ITGAM: variants seen among roughly 807,000 people sequenced by gnomAD.
ITGAM encodes integrin alpha-M.
In ITGAM, 79 loss-of-function variants were observed where a neutral mutation model predicts 137.5. That is an observed-to-expected ratio of 0.57 (90% CI 0.48 to 0.69). ITGAM has a LOEUF of 0.69. ITGAM is among the 30% of genes least tolerant of loss of function. The pLI is 0.00. For missense variants in ITGAM, 1,343 were observed against 1,483.5 expected, an observed-to-expected ratio of 0.91 and a Z score of 1.56; for synonymous variants, 583 against 592.3, an observed-to-expected ratio of 0.98 and a Z score of 0.23.
intron 2 of ITGAM, among the ~76,000 whole-genome samples, chr16:31,262,263 T>TTTCCTTCC (rs1229025438): frequency 2.8e-5 from 4 of 144,504 alleles, no homozygotes; most frequent in Admixed American, 6.9e-5. Flanking sequence ...TCCTTCCTTC[T>TTTCCTTCC]TTCCTTCCTT....
At chr16:31,312,600 A>T (rs930822769) in intron 14 of ITGAM, among the ~76,000 whole-genome samples, 2 of 151,754 alleles carry the variant, frequency 1.3e-5, no homozygotes, top group African/African-American at 4.8e-5. Context: ...CTAATATTTA[A>T]ATTTCTTTTG....
chr16:31,273,381 A>T lies in ITGAM; in HGVS notation c.721A>T (p.Ile241Phe). Reference sequence around the variant, plus strand: ...CCTGCACAGACGAGAGCTGTTTAACATCACCAACGGAGCCCGAAAGAATGC... The same window carrying T: ...CCTGCACAGACGAGAGCTGTTTAACTTCACCAACGGAGCCCGAAAGAATGC... ...IRKVVRELFN[I>F]TNGARKNAFK... Residue 241 changes from isoleucine (I) to phenylalanine (F), a missense_variant, in exon 8 of 30, where the codon ATC becomes TTC. Physicochemically the swap from Ile to Phe is conservative, Grantham distance 21. Transcript: ENST00000544665. The T allele has an allele frequency of 1.2e-6, 2 of 1,613,806 alleles. No individual in the cohort carries two copies. Among genetic ancestry groups the T allele is most frequent in the African/African-American group, 2.7e-5 (2 of 74,998 alleles).
At chr16:31,329,080 T>TA in intron 23 of ITGAM, 148 bp from the exon 24 acceptor site, 1 of 104,440 alleles carries the variant, frequency 9.6e-6, no homozygotes. Flanking sequence ...GGTTCCCCCA[T>TA]CCCCCTGCAC....
intron 12 of ITGAM, among the ~76,000 whole-genome samples, chr16:31,290,434 G>A (rs2080075691): frequency 6.6e-6 from 1 of 152,038 alleles, no homozygotes; most frequent in Non-Finnish European, 1.5e-5. Flanking sequence ...AAGCTACTTT[G>A]AAGAAAACAA....
intron 23 of ITGAM, among the ~76,000 whole-genome samples, chr16:31,328,792 A>ATG (rs56016186): frequency 1.1e-4 from 16 of 143,344 alleles, no homozygotes; most frequent in South Asian, 2.4e-4. Context: ...GTATTTGTGC[A>ATG]TGTGTGTGTG....
intron 2 of ITGAM, among the ~76,000 whole-genome samples, chr16:31,264,702 A>G (rs2079744133): frequency 6.6e-6 from 1 of 151,916 alleles, no homozygotes; most frequent in Non-Finnish European, 1.5e-5. Context: ...ATACCTGGCT[A>G]ATTTTTAAAA....
chr16:31,273,066 A>G (rs997859537), intron 7 of ITGAM, among the ~76,000 whole-genome samples: 3 of 152,090 alleles, frequency 2.0e-5, no homozygotes, highest in Non-Finnish European at 2.9e-5. Context: ...TAGGAGGCCG[A>G]GGTGGGAGGA....
At chr16:31,285,028 G>A (rs540547796) in intron 12 of ITGAM, among the ~76,000 whole-genome samples, 1 of 152,146 alleles carries the variant, frequency 6.6e-6, no homozygotes, top group Admixed American at 6.5e-5. Context: ...TCCAAAAACT[G>A]AGCTCCCCGA....
chr16:31,273,393 G>A lies in ITGAM; in HGVS notation c.733G>A (p.Ala245Thr), dbSNP rs1259499953. Reference protein sequence around the residue: ...VRELFNITNGARKNAFKILVV... With the variant: ...VRELFNITNGTRKNAFKILVV... The stretch of plus-strand genomic sequence containing the variant: ...AGAGCTGTTTAACATCACCAACGGA[G>A]CCCGAAAGAATGCCTTTAAGATCCT... The change falls in exon 8 of 30, where the codon GCC (alanine) becomes ACC (threonine). Residue 245 changes from alanine to threonine, a missense_variant. Physicochemically the swap from Ala to Thr is moderately conservative, Grantham distance 58 (BLOSUM62 0). Coordinates refer to ENST00000544665, the MANE Select transcript of ITGAM (RefSeq NM_000632.4). 6.2e-7 allele frequency: 1 copy of A among 1,613,818 alleles called. No homozygotes were observed. Among genetic ancestry groups the A allele is most frequent in the Admixed American group, 1.7e-5 (1 of 60,002 alleles).
chr16:31,328,827 CGCATGGGTGTGT>C, intron 23 of ITGAM, among the ~76,000 whole-genome samples: 1 of 117,602 alleles, frequency 8.5e-6, no homozygotes, highest in Non-Finnish European at 1.8e-5. Context: ...CATGTGTGTG[CGCATGGGTGTGT>C]ATTTGTGCAT....
At chr16:31,279,090 G>A (rs984016561) in intron 12 of ITGAM, among the ~76,000 whole-genome samples, 1 of 152,178 alleles carries the variant, frequency 6.6e-6, no homozygotes, top group East Asian at 1.9e-4. Flanking sequence ...TGGCTGCATA[G>A]TATTCCATGG....
Position 31,297,521 on chromosome 16 carries a change from C to T in ITGAM, c.1364C>T (p.Ala455Val). The change falls in exon 13 of 30, where the codon GCC (alanine) becomes GTC (valine). Residue 455 changes from alanine to valine, a missense_variant. Transcript: ENST00000544665. ...CGGTCCTGTCTCTTTCAGATCGGCG[C>T]CTACTTCGGGGCCTCCCTCTGCTCC... is the stretch of plus-strand genomic sequence containing the variant. ...NANVKGTQIGAYFGASLCSVD... is the reference protein window; with the variant it reads ...NANVKGTQIGVYFGASLCSVD... The T allele has an allele frequency of 6.2e-7, 1 of 1,612,052 alleles. No individual in the cohort carries two copies. The highest frequency in any genetic ancestry group is 8.5e-7 in the Non-Finnish European group (1 of 1,179,868).
At chr16:31,270,779 C>T (rs1309225602) in intron 5 of ITGAM, among the ~76,000 whole-genome samples, 175 bp from the exon 6 acceptor site, 1 of 129,510 alleles carries the variant, frequency 7.7e-6, no homozygotes, top group Non-Finnish European at 1.6e-5. Flanking sequence ...TATATATACA[C>T]ACACGTTAAA....
At chr16:31,286,671 C>A (rs756235559) in intron 12 of ITGAM, among the ~76,000 whole-genome samples, 54 of 152,070 alleles carry the variant, frequency 3.6e-4, no homozygotes, top group Admixed American at 9.8e-4. Flanking sequence ...CTGTTTATGT[C>A]CTTTACCCAC....
At chr16:31,302,430 T>TC (rs1491212435) in intron 14 of ITGAM, among the ~76,000 whole-genome samples, 3 of 98,810 alleles carry the variant, frequency 3.0e-5, no homozygotes, top group African/African-American at 9.0e-5. Context: ...CTTTCTTTCT[T>TC]CTTTCTTTCT....
Position 31,311,208 on chromosome 16 carries a change from G to C in ITGAM, c.1708-10033G>C, listed in dbSNP as rs1415657320. ...AGAAGAAAACCTAGGCAATACCATT[G>C]AGGACATAGGCATGGGCAAGGACTT... On this transcript the variant is annotated intron_variant, in intron 14 of 29. Coordinates refer to ENST00000544665, the MANE Select transcript of ITGAM (RefSeq NM_000632.4). Among the ~76,000 whole-genome samples the C allele has an allele frequency of 4.6e-5, 7 of 152,248 alleles. No homozygotes were observed. The East Asian group carries it at 9.7e-4, about 21-fold the overall frequency.
At chr16:31,308,163 A>G (rs1413155185) in intron 14 of ITGAM, among the ~76,000 whole-genome samples, 1 of 152,214 alleles carries the variant, frequency 6.6e-6, no homozygotes, top group Admixed American at 6.5e-5. Context: ...CTGGCCTTAT[A>G]AAATGAGTTA....
chr16:31,283,768 T>C (rs1054585696), intron 12 of ITGAM, among the ~76,000 whole-genome samples: 6 of 152,246 alleles, frequency 3.9e-5, no homozygotes, highest in African/African-American at 1.4e-4. Context: ...CCATTGCTGG[T>C]GAGGAGCTGT....
chr16:31,301,846 GC>G (rs778651413), intron 14 of ITGAM, among the ~76,000 whole-genome samples: 1 of 152,002 alleles, frequency 6.6e-6, no homozygotes, highest in Non-Finnish European at 1.5e-5. Context: ...CCATATCATG[GC>G]TTCAGAAAAC....
Sources: allele counts gnomAD v4.1 joint callset (sites outside exome capture counted in the v4.1 genomes callset), GRCh38; gene constraint gnomAD v4.1.1; transcripts MANE v1.5; gene names NCBI Gene and HGNC (gene_info 2026-07-23, HGNC 2026-07-21).